Variants in SHCBP1L observed in about 807,000 individuals in gnomAD.
SHCBP1L encodes the protein SHC binding and spindle associated 1 like.
A neutral mutation model predicts 62.5 loss-of-function variants in SHCBP1L; 67 were observed. That is an observed-to-expected ratio of 1.07 (90% CI 0.88 to 1.31). SHCBP1L has a LOEUF of 1.31. Among genes scored for constraint, SHCBP1L ranks in the 40% most tolerant of loss-of-function variants. SHCBP1L has a pLI of 0.00. For synonymous variants in SHCBP1L, 284 were observed against 289.4 expected, an observed-to-expected ratio of 0.98 and a Z score of 0.19; for missense variants, 823 against 809.8, an observed-to-expected ratio of 1.02 and a Z score of -0.20.
chr1:182,906,723 G>A (rs11803958), intron 6 of SHCBP1L, among the ~76,000 whole-genome samples: 35,569 of 152,060 alleles, frequency 0.23, 7,326 homozygotes, highest in African/African-American at 0.56. Context: ...CCGGCCCCCA[G>A]ATAAACAAAA....
chr1:182,922,286 G>A (rs756547714), intron 6 of SHCBP1L, among the ~76,000 whole-genome samples: 1 of 152,078 alleles, frequency 6.6e-6, no homozygotes, highest in Non-Finnish European at 1.5e-5. Flanking sequence ...AACTCTACAC[G>A]ACCAAATGGA....
chr1:182,912,994 G>T (rs1307536808), intron 6 of SHCBP1L, among the ~76,000 whole-genome samples: 1 of 151,750 alleles, frequency 6.6e-6, no homozygotes, highest in Admixed American at 6.6e-5. Flanking sequence ...AATTAGCTGG[G>T]TGTGGTGGTG....
chr1:182,952,608 G>T, intron 1 of SHCBP1L, 121 bp downstream of exon 1: 1 of 1,235,620 alleles, frequency 8.1e-7, no homozygotes, highest in Non-Finnish European at 1.1e-6. Flanking sequence ...TTACTTTTTT[G>T]AAACGCAAGT....
intron 5 of SHCBP1L, among the ~76,000 whole-genome samples, chr1:182,935,987 T>A (rs959447617): frequency 3.3e-5 from 5 of 152,178 alleles, no homozygotes; most frequent in Non-Finnish European, 1.5e-5. Flanking sequence ...TTAGACCATT[T>A]ACATTTACAG....
chr1:182,926,330 G>A (rs1040133114), intron 6 of SHCBP1L, among the ~76,000 whole-genome samples: 7 of 152,144 alleles, frequency 4.6e-5, no homozygotes, highest in Admixed American at 3.3e-4. Context: ...TTTGTACTTC[G>A]TATATTTTCA....
intron 5 of SHCBP1L, among the ~76,000 whole-genome samples, chr1:182,931,365 T>C (rs1650991313): frequency 1.3e-5 from 2 of 152,152 alleles, no homozygotes; most frequent in Admixed American, 6.5e-5. Context: ...AAGGTATATA[T>C]AGGTGTTTTT....
At position 182,951,308 on chromosome 1, in the gene SHCBP1L, A is replaced by G; in HGVS notation, c.555+10T>C. 1 of 1,523,820 alleles carries G rather than the reference A, an allele frequency of 6.6e-7. No homozygotes were observed. The highest frequency in any genetic ancestry group is 8.8e-7 in the Non-Finnish European group (1 of 1,135,136). 94.4% of individuals were successfully genotyped at this position (1,523,820 alleles called of 1,614,324 possible). ...TCAAAAAGAACAAAGATCAAATAAAATTTATTTACCTCAACCAATATACCA... is the reference window on the plus strand; with the variant it reads ...TCAAAAAGAACAAAGATCAAATAAAGTTTATTTACCTCAACCAATATACCA... On this transcript the variant is annotated intron_variant, in intron 2 of 9. Transcript: ENST00000367547.
At chr1:182,901,312 C>G (rs1649825938) in intron 9 of SHCBP1L, among the ~76,000 whole-genome samples, 1 of 152,140 alleles carries the variant, frequency 6.6e-6, no homozygotes, top group Non-Finnish European at 1.5e-5. Context: ...ACAAAATTAG[C>G]TGGGCGTGGT....
At chr1:182,918,923 G>A (rs550195605) in intron 6 of SHCBP1L, among the ~76,000 whole-genome samples, 1 of 152,304 alleles carries the variant, frequency 6.6e-6, no homozygotes, top group Non-Finnish European at 1.5e-5. Flanking sequence ...AACATATGGT[G>A]TTGGGACAAA....
intron 5 of SHCBP1L, among the ~76,000 whole-genome samples, chr1:182,934,606 A>G (rs1337162903): frequency 1.3e-5 from 2 of 152,132 alleles, no homozygotes; most frequent in Admixed American, 1.3e-4. Flanking sequence ...GCATTATGCA[A>G]ATATTTTCTC....
At chr1:182,952,170 AAAAAAAAAAAAAAAAAAAAAAATATATAT>A (rs1651768470) in intron 1 of SHCBP1L, among the ~76,000 whole-genome samples, 1 of 34,470 alleles carries the variant, frequency 2.9e-5, no homozygotes, top group African/African-American at 1.3e-4. Context: ...AAAAAAAAAA[AAAAAAAAAAAAAAAAAAAAAAATATATAT>A]ATATATATAT....
intron 5 of SHCBP1L, among the ~76,000 whole-genome samples, chr1:182,938,002 T>C (rs1651236535): frequency 6.6e-6 from 1 of 152,234 alleles, no homozygotes; most frequent in Non-Finnish European, 1.5e-5. Context: ...TGAGGTTTTA[T>C]ATTAATCTGG....
intron 6 of SHCBP1L, among the ~76,000 whole-genome samples, chr1:182,924,845 AAGGG>A (rs1167710179): frequency 7.2e-6 from 1 of 139,404 alleles, no homozygotes; most frequent in Non-Finnish European, 1.5e-5. Context: ...AGGAGGGAGG[AAGGG>A]AGGGAGGAAG....
chr1:182,952,613 G>C, intron 1 of SHCBP1L, 116 bp downstream of exon 1: 2 of 1,265,306 alleles, frequency 1.6e-6, no homozygotes, highest in African/African-American at 1.6e-5. Flanking sequence ...TTTTTGAAAC[G>C]CAAGTTTTCG....
At chr1:182,908,014 C>T (rs752320152) in intron 6 of SHCBP1L, among the ~76,000 whole-genome samples, 7 of 152,152 alleles carry the variant, frequency 4.6e-5, no homozygotes, top group Non-Finnish European at 8.8e-5. Context: ...GTATATTTCC[C>T]ATGCATATAT....
At chr1:182,907,475 T>C (rs1236206969) in intron 6 of SHCBP1L, among the ~76,000 whole-genome samples, 1 of 150,092 alleles carries the variant, frequency 6.7e-6, no homozygotes, top group Non-Finnish European at 1.5e-5. Context: ...AATCCAAATA[T>C]AAAATTTGGA....
chr1:182,900,399 C>T (rs909003766), intron 9 of SHCBP1L, among the ~76,000 whole-genome samples, 165 bp from the exon 10 acceptor site: 4 of 152,034 alleles, frequency 2.6e-5, no homozygotes, highest in African/African-American at 9.7e-5. Flanking sequence ...TTCATGACAC[C>T]AACTAACGTA....
rs1571355593 is a variant in SHCBP1L at position 182,939,394 on chromosome 1, C to G, written c.858G>C (p.Leu286Phe). 1.2e-6 allele frequency: 2 copies of G among 1,611,720 alleles called. No individual in the cohort carries two copies. The highest frequency in any genetic ancestry group is 4.5e-5 in the East Asian group (2 of 44,810). Residue 286 changes from leucine (L) to phenylalanine (F), a missense_variant and splice_region_variant, in exon 5 of 10, where the codon TTG becomes TTC. Transcript: ENST00000367547. ...TTGTTCCATCCTGTATATCACACCA[C>G]CTGAAAATTATCAACATAATTACAA... is the stretch of plus-strand genomic sequence containing the variant. The part of the protein sequence containing the change: ...YTALIEERIN[L>F]WCDIQDGTIP...
intron 6 of SHCBP1L, among the ~76,000 whole-genome samples, chr1:182,912,608 T>C (rs1474996154): frequency 6.6e-6 from 1 of 151,806 alleles, no homozygotes; most frequent in Non-Finnish European, 1.5e-5. Flanking sequence ...TTGCAACCTC[T>C]GCCTCCTGGG....
Sources: allele counts gnomAD v4.1 joint callset (sites outside exome capture counted in the v4.1 genomes callset), GRCh38; gene constraint gnomAD v4.1.1; transcripts MANE v1.5; gene names NCBI Gene and HGNC (gene_info 2026-07-23, HGNC 2026-07-21).